The following RANBP2 variants were observed in gnomAD, a reference collection of about 807,000 sequenced individuals.
The protein encoded by RANBP2 is RAN binding protein 2.
Under a neutral mutation model 303.6 loss-of-function variants are expected in RANBP2, and 57 were observed. The observed-to-expected ratio is 0.19, with a 90% CI of 0.15 to 0.23. The LOEUF (loss-of-function observed/expected upper bound fraction) is 0.23, where lower values mean the gene tolerates loss of function less well. Ranked by LOEUF, RANBP2 falls within the 10% of genes least tolerant of loss-of-function variation. RANBP2 has a pLI of 1.00. For synonymous variants in RANBP2, 1,167 were observed against 1,301.5 expected (o/e 0.90, Z 2.23); for missense variants, 3,138 against 3,780.8 (o/e 0.83, Z 4.46).
At chr2:109,568,373 C>CTTTT in the RANBP2 span, among the ~76,000 whole-genome samples, 1 of 129,176 alleles carries the variant, frequency 7.7e-6, no homozygotes, top group Admixed American at 8.3e-5. Flanking sequence ...GCCACACAAT[C>CTTTT]TTTTTTTTTT....
At chr2:109,716,869 A>C in the RANBP2 span, among the ~76,000 whole-genome samples, 1 of 152,238 alleles carries the variant, frequency 6.6e-6, no homozygotes, top group Middle Eastern at 3.2e-3. Context: ...TTTACATAAG[A>C]TAAGGTGAAC....
chr2:109,282,609 G>A, the RANBP2 span, among the ~76,000 whole-genome samples: 3 of 152,322 alleles, frequency 2.0e-5, no homozygotes, highest in Middle Eastern at 3.4e-3. Context: ...GCCAATGCAC[G>A]CACTCCACCT....
chr2:108,980,417 C>T, the RANBP2 span, among the ~76,000 whole-genome samples: 18,882 of 151,876 alleles, frequency 0.12, 1,576 homozygotes, highest in Middle Eastern at 0.19. Context: ...AGCAGCAAGT[C>T]GTGATTTTAA....
At chr2:109,007,313 C>T in the RANBP2 span, among the ~76,000 whole-genome samples, 1 of 152,218 alleles carries the variant, frequency 6.6e-6, no homozygotes, top group Non-Finnish European at 1.5e-5. Context: ...CAGATAGACA[C>T]ATACCATATT....
the RANBP2 span, chr2:109,399,088 T>C: frequency 1.0e-6 from 1 of 971,580 alleles, no homozygotes; most frequent in South Asian, 1.7e-5. Flanking sequence ...TGCCCTTTGC[T>C]GCCTGGCACT....
the RANBP2 span, among the ~76,000 whole-genome samples, chr2:108,814,220 C>T: frequency 6.6e-6 from 1 of 152,092 alleles, no homozygotes; most frequent in African/African-American, 2.4e-5. Context: ...TGTAATGATA[C>T]ACTCCCATTA....
At chr2:108,746,442 C>G (rs569329923) in intron 7 of RANBP2, among the ~76,000 whole-genome samples, 1 of 144,590 alleles carries the variant, frequency 6.9e-6, no homozygotes, top group Non-Finnish European at 1.5e-5. Flanking sequence ...AGGCTGGTCT[C>G]GAACTCCTGA....
At chr2:109,733,169 C>T in the RANBP2 span, 2 of 380,880 alleles carry the variant, frequency 5.3e-6, no homozygotes, top group Admixed American at 3.2e-5. Context: ...CGTAGCCCAT[C>T]TAGGTCAAAT....
the RANBP2 span, among the ~76,000 whole-genome samples, chr2:108,945,640 T>G: frequency 6.6e-6 from 1 of 152,178 alleles, no homozygotes. Flanking sequence ...TTCTAAAAAT[T>G]TGAGATCTAT....
chr2:108,924,302 C>T, the RANBP2 span, among the ~76,000 whole-genome samples: 1 of 152,358 alleles, frequency 6.6e-6, no homozygotes, highest in African/African-American at 2.4e-5. Flanking sequence ...CGTCCCGCTC[C>T]CAGGCACAGC....
At chr2:109,677,257 C>A in the RANBP2 span, among the ~76,000 whole-genome samples, 1 of 152,172 alleles carries the variant, frequency 6.6e-6, no homozygotes, top group African/African-American at 2.4e-5. Flanking sequence ...ACCCTTCAGA[C>A]CTGGATAGGA....
the RANBP2 span, among the ~76,000 whole-genome samples, chr2:109,575,389 CATCAGT>C: frequency 1.3e-5 from 2 of 152,222 alleles, no homozygotes; most frequent in Non-Finnish European, 2.9e-5. Flanking sequence ...GAAAGGCATA[CATCAGT>C]ATCTAACTAG....
chr2:108,884,621 A>G, the RANBP2 span: 1 of 152,234 alleles, frequency 6.6e-6, no homozygotes, highest in Non-Finnish European at 1.5e-5. Context: ...CATAATAAAC[A>G]TCAGAAAGTC....
the RANBP2 span, among the ~76,000 whole-genome samples, chr2:109,576,837 A>G: frequency 6.6e-6 from 1 of 152,236 alleles, no homozygotes; most frequent in Non-Finnish European, 1.5e-5. Context: ...AAAGACACAG[A>G]AGATATAATG....
At chr2:109,652,570 A>C in the RANBP2 span, among the ~76,000 whole-genome samples, 1 of 152,158 alleles carries the variant, frequency 6.6e-6, no homozygotes, top group Non-Finnish European at 1.5e-5. Context: ...GGACCCCTAC[A>C]CAACAAAAGA....
chr2:109,386,183 A>C, the RANBP2 span, among the ~76,000 whole-genome samples: 2 of 152,224 alleles, frequency 1.3e-5, no homozygotes, highest in Non-Finnish European at 2.9e-5. Flanking sequence ...TGCTCCTTTC[A>C]ACAGAGCTGG....
chr2:108,971,594 T>C, the RANBP2 span, among the ~76,000 whole-genome samples: 2 of 151,662 alleles, frequency 1.3e-5, no homozygotes, highest in African/African-American at 4.8e-5. Context: ...GGTGTGAGGG[T>C]GTGAGGGCTG....
At chr2:108,845,799 C>T in the RANBP2 span, among the ~76,000 whole-genome samples, 1 of 152,084 alleles carries the variant, frequency 6.6e-6, no homozygotes, top group Admixed American at 6.6e-5. Flanking sequence ...TCTCGATCTC[C>T]TGACCTCATG....
At chr2:109,522,735 C>A in the RANBP2 span, among the ~76,000 whole-genome samples, 4 of 152,186 alleles carry the variant, frequency 2.6e-5, no homozygotes, top group Admixed American at 2.6e-4. Context: ...TCAGCATCTC[C>A]CACAAGCTTC....
Sources: allele counts gnomAD v4.1 joint callset (sites outside exome capture counted in the v4.1 genomes callset), GRCh38; gene constraint gnomAD v4.1.1; transcripts MANE v1.5; gene names NCBI Gene and HGNC (gene_info 2026-07-23, HGNC 2026-07-21).